HMGCLL1: variants seen among roughly 807,000 people sequenced by gnomAD.
HMGCLL1 encodes the protein 3-hydroxy-3-methylglutaryl-CoA lyase like 1.
HMGCLL1 carries 36 observed loss-of-function variants against 39.1 expected under a neutral mutation model. The observed-to-expected ratio is 0.92, with a 90% CI of 0.71 to 1.22. The LOEUF is 1.22. Ranked by LOEUF, HMGCLL1 falls within the 50% of genes most tolerant of loss-of-function variation. The pLI is 0.00. For synonymous variants in HMGCLL1, 149 were observed against 144.0 expected, an observed-to-expected ratio of 1.03 and a Z score of -0.25; for missense variants, 451 against 416.5, an observed-to-expected ratio of 1.08 and a Z score of -0.72.
the HMGCLL1 span, among the ~76,000 whole-genome samples, chr6:55,617,217 C>A: frequency 4.6e-4 from 70 of 152,066 alleles, no homozygotes; most frequent in Non-Finnish European, 6.9e-4. Context: ...TCCTGTCTTG[C>A]TTGTTTTCTT....
the HMGCLL1 span, among the ~76,000 whole-genome samples, chr6:55,588,960 C>T: frequency 4.8e-3 from 714 of 148,490 alleles, 8 homozygotes; most frequent in African/African-American, 0.017. Context: ...GATTCACAGC[C>T]GAATTCTACC....
At chr6:55,560,629 A>G (rs964774118) in intron 1 of HMGCLL1, among the ~76,000 whole-genome samples, 1 of 152,050 alleles carries the variant, frequency 6.6e-6, no homozygotes, top group Non-Finnish European at 1.5e-5. Context: ...TGAAAAGTAA[A>G]CCTTCCAATC....
At chr6:55,650,122 TATATATATATATACACAC>T in the HMGCLL1 span, among the ~76,000 whole-genome samples, 162 of 78,616 alleles carry the variant, frequency 2.1e-3, 3 homozygotes, top group East Asian at 0.043. Context: ...TATATATATA[TATATATATATATACACAC>T]ACACACACAT....
chr6:55,481,201 G>C (rs1765726023), intron 7 of HMGCLL1, among the ~76,000 whole-genome samples: 1 of 151,834 alleles, frequency 6.6e-6, no homozygotes, highest in African/African-American at 2.4e-5. Context: ...GGCAACTTGT[G>C]AGACCCTGTC....
intron 7 of HMGCLL1, among the ~76,000 whole-genome samples, chr6:55,457,494 C>A (rs943677460): frequency 7.2e-5 from 11 of 152,122 alleles, no homozygotes; most frequent in African/African-American, 2.7e-4. Context: ...ATATATTAGC[C>A]AGGATAAGAA....
chr6:55,642,442 A>AT, the HMGCLL1 span, among the ~76,000 whole-genome samples: 1 of 151,990 alleles, frequency 6.6e-6, no homozygotes, highest in Non-Finnish European at 1.5e-5. Flanking sequence ...ATCTGAATGA[A>AT]TTTTTTATGG....
At chr6:55,646,505 C>T in the HMGCLL1 span, among the ~76,000 whole-genome samples, 8 of 151,616 alleles carry the variant, frequency 5.3e-5, no homozygotes, top group African/African-American at 1.9e-4. Flanking sequence ...GGACATTTTT[C>T]TTCTTTTTTG....
chr6:55,436,737 A>G (rs1224919601), intron 8 of HMGCLL1, among the ~76,000 whole-genome samples: 1 of 152,090 alleles, frequency 6.6e-6, no homozygotes, highest in Non-Finnish European at 1.5e-5. Context: ...GGGGCTTTTC[A>G]TAACAATGAA....
upstream of HMGCLL1, among the ~76,000 whole-genome samples, chr6:55,583,006 T>C (rs1772011657): frequency 6.6e-6 from 1 of 152,120 alleles, no homozygotes; most frequent in Admixed American, 6.6e-5. Context: ...TTTGTATGTA[T>C]AATTAATTAA....
intron 5 of HMGCLL1, among the ~76,000 whole-genome samples, chr6:55,500,176 A>G (rs1766801868): frequency 6.6e-6 from 1 of 152,042 alleles, no homozygotes; most frequent in Admixed American, 6.6e-5. Context: ...TGGGGGTCAC[A>G]ATATGAAAGG....
intron 7 of HMGCLL1, among the ~76,000 whole-genome samples, chr6:55,477,291 AAAATAATATATAT>A (rs1765431347): frequency 9.9e-5 from 1 of 10,106 alleles, no homozygotes; most frequent in African/African-American, 1.1e-3. Context: ...TATTATATAT[AAAATAATATATAT>A]TATATATATA....
At chr6:55,541,366 G>T (rs1418405955) in intron 3 of HMGCLL1, among the ~76,000 whole-genome samples, 1 of 152,092 alleles carries the variant, frequency 6.6e-6, no homozygotes, top group Admixed American at 6.6e-5. Flanking sequence ...GAAGCTATCA[G>T]GCTACTTATT....
At chr6:55,677,229 T>C in the HMGCLL1 span, among the ~76,000 whole-genome samples, 5 of 152,132 alleles carry the variant, frequency 3.3e-5, no homozygotes, top group African/African-American at 1.2e-4. Flanking sequence ...AGACTCCGAC[T>C]CTACAAAACA....
At chr6:55,465,492 T>G (rs989230290) in intron 7 of HMGCLL1, among the ~76,000 whole-genome samples, 10 of 152,058 alleles carry the variant, frequency 6.6e-5, no homozygotes, top group African/African-American at 2.4e-4. Flanking sequence ...GGCTTAAATC[T>G]CCTCTGTAAT....
Position 55,435,740 on chromosome 6 carries a change from C to T in HMGCLL1, c.945G>A (p.Met315Ile), listed in dbSNP as rs1274072667. The change falls in exon 9 of 9, where the codon ATG (methionine) becomes ATA (isoleucine). Residue 315 changes from methionine to isoleucine, a missense_variant. Physicochemically the swap from Met to Ile is conservative, Grantham distance 10 (BLOSUM62 1). Coordinates refer to ENST00000274901, the MANE Select transcript of HMGCLL1 (RefSeq NM_001042406.2). Reference protein sequence around the residue: ...LNTGVNLYKVMEAGDFICKAV... With the variant: ...LNTGVNLYKVIEAGDFICKAV... ...CTTTGCAAATAAAGTCACCAGCTTCCATCACTTTGTATAGATTCACACCCT... is the reference window on the plus strand; with the variant it reads ...CTTTGCAAATAAAGTCACCAGCTTCTATCACTTTGTATAGATTCACACCCT... The T allele has an allele frequency of 1.2e-6, 2 of 1,601,374 alleles. No homozygotes were observed. Among genetic ancestry groups the T allele is most frequent in the South Asian group, 1.1e-5 (1 of 90,130 alleles).
In HMGCLL1 at chr6:55,467,914, A is replaced by T. The variant is rs145757692; in HGVS notation, c.795+27505T>A. Among the ~76,000 whole-genome samples, 5 of 152,186 alleles carry T rather than the reference A, an allele frequency of 3.3e-5. No homozygotes were observed. In the East Asian group the frequency reaches 9.7e-4, roughly 30 times the overall value. ...TGTCAGGTGAGGTGCCATGTGGTAC[A>T]GGAGCATAGCTTAGAAACACCTCTT... On this transcript the variant is annotated intron_variant, in intron 7 of 8. Transcript: ENST00000274901.
rs185142022 is a variant in HMGCLL1 at position 55,453,272 on chromosome 6, A to G, written c.796-13713T>C. ...CGGCTCACTGCAAGCTCCACCTCCC[A>G]GGTTCACGCCATTCTCCTGCCTCAG... On this transcript the variant is annotated intron_variant, in intron 7 of 8. Transcript: ENST00000274901. Among the ~76,000 whole-genome samples the G allele has an allele frequency of 3.1e-3, 466 of 152,222 alleles. 3 individuals are homozygous for G. Among genetic ancestry groups the G allele is most frequent in the African/African-American group, 0.01 (433 of 41,540 alleles).
At chr6:55,454,823 G>A (rs557027897) in intron 7 of HMGCLL1, among the ~76,000 whole-genome samples, 6 of 152,252 alleles carry the variant, frequency 3.9e-5, no homozygotes, top group Admixed American at 6.5e-5. Flanking sequence ...GTGGCTAAGC[G>A]GATTTACACA....
At chr6:55,496,122 A>G (rs1766562886) in intron 6 of HMGCLL1, among the ~76,000 whole-genome samples, 1 of 152,172 alleles carries the variant, frequency 6.6e-6, no homozygotes, top group Non-Finnish European at 1.5e-5. Context: ...ATCCACTTGT[A>G]CGTGATTTTT....
Sources: gnomAD v4.1 joint callset for allele counts (sites outside exome capture counted in the v4.1 genomes callset) on GRCh38, gnomAD v4.1.1 for gene constraint, MANE v1.5 for transcripts, NCBI Gene and HGNC (gene_info 2026-07-23, HGNC 2026-07-21) for gene names.